Variants in ENTREP1 observed in about 807,000 individuals in gnomAD.
ENTREP1 encodes endosomal transmembrane epsin interactor 1, also known as Friedreich ataxia region gene X123.
At chr9:69,347,544 G>A in the ENTREP1 span, among the ~76,000 whole-genome samples, 1 of 152,184 alleles carries the variant, frequency 6.6e-6, no homozygotes, top group Non-Finnish European at 1.5e-5. Flanking sequence ...TAATAAGCCT[G>A]GTGGCAGAGA....
At chr9:69,343,137 A>G in the ENTREP1 span, among the ~76,000 whole-genome samples, 1 of 152,380 alleles carries the variant, frequency 6.6e-6, no homozygotes, top group East Asian at 1.9e-4. Flanking sequence ...TCTCAGATCA[A>G]ATTCTGCTAT....
the ENTREP1 span, chr9:69,387,926 G>A: frequency 4.1e-6 from 6 of 1,476,880 alleles, no homozygotes; most frequent in Middle Eastern, 1.8e-4. Context: ...TGGGGGTGGT[G>A]TCGTACATGA....
At chr9:69,371,685 A>T in the ENTREP1 span, 1 of 959,988 alleles carries the variant, frequency 1.0e-6, no homozygotes, top group South Asian at 1.3e-5. Context: ...GACTTGCAAC[A>T]TTCAGCATCA....
chr9:69,352,933 T>A, the ENTREP1 span, among the ~76,000 whole-genome samples: 1 of 152,142 alleles, frequency 6.6e-6, no homozygotes, highest in Non-Finnish European at 1.5e-5. Context: ...GCCAGGACTT[T>A]GAAACCAGCC....
chr9:69,346,816 C>A, the ENTREP1 span, among the ~76,000 whole-genome samples: 3,108 of 152,322 alleles, frequency 0.02, 40 homozygotes, highest in South Asian at 0.051. Flanking sequence ...AGTTTTGCAA[C>A]CCTTAGCTGA....
chr9:69,329,990 G>T, the ENTREP1 span, among the ~76,000 whole-genome samples: 3 of 59,578 alleles, frequency 5.0e-5, no homozygotes, highest in Admixed American at 5.0e-4. Flanking sequence ...TTCCACTGGG[G>T]TATGGGAGTT....
the ENTREP1 span, among the ~76,000 whole-genome samples, chr9:69,378,837 A>G: frequency 6.6e-6 from 1 of 152,188 alleles, no homozygotes; most frequent in East Asian, 1.9e-4. Context: ...TTGGAATTCA[A>G]AATGAGCTAG....
At chr9:69,370,450 TG>T in the ENTREP1 span, among the ~76,000 whole-genome samples, 5 of 152,176 alleles carry the variant, frequency 3.3e-5, no homozygotes, top group Non-Finnish European at 7.4e-5. Context: ...CAATAGACAC[TG>T]GGGAATCCAG....
At chr9:69,376,484 T>A in the ENTREP1 span, among the ~76,000 whole-genome samples, 3 of 152,316 alleles carry the variant, frequency 2.0e-5, no homozygotes, top group Non-Finnish European at 4.4e-5. Flanking sequence ...GGATAAAAAT[T>A]GTGCCCTGAC....
chr9:69,325,011 G>C, the ENTREP1 span: 6 of 985,280 alleles, frequency 6.1e-6, no homozygotes, highest in African/African-American at 1.7e-5. Flanking sequence ...GGACCCTGAG[G>C]CTGTGGCGCA....
chr9:69,334,167 T>C, the ENTREP1 span, among the ~76,000 whole-genome samples: 3 of 152,174 alleles, frequency 2.0e-5, no homozygotes, highest in Non-Finnish European at 1.5e-5. Flanking sequence ...GTAAAGTAGG[T>C]ACAACTCACA....
the ENTREP1 span, chr9:69,384,042 G>T: frequency 6.4e-7 from 1 of 1,561,756 alleles, no homozygotes. Flanking sequence ...GATACATTGT[G>T]ACATGATTCA....
chr9:69,365,666 CT>C, the ENTREP1 span, among the ~76,000 whole-genome samples: 1 of 152,026 alleles, frequency 6.6e-6, no homozygotes, highest in African/African-American at 2.4e-5. Flanking sequence ...TTCCTTGATC[CT>C]ATCCCCCACA....
chr9:69,347,979 C>A, the ENTREP1 span, among the ~76,000 whole-genome samples: 4 of 152,140 alleles, frequency 2.6e-5, no homozygotes, highest in Non-Finnish European at 4.4e-5. Context: ...ATGCCACATT[C>A]TAGTTTGCTT....
the ENTREP1 span, chr9:69,383,587 A>T: frequency 6.2e-7 from 1 of 1,611,878 alleles, no homozygotes; most frequent in African/African-American, 1.3e-5. Context: ...TCACGTGGCC[A>T]GTCTGTAGAA....
At chr9:69,336,311 G>T in the ENTREP1 span, 2 of 1,264,474 alleles carry the variant, frequency 1.6e-6, no homozygotes, top group Non-Finnish European at 2.3e-6. Flanking sequence ...TATAAAATGT[G>T]CTATGTATGA....
the ENTREP1 span, chr9:69,375,706 AG>A: frequency 3.2e-6 from 5 of 1,571,340 alleles, no homozygotes; most frequent in Non-Finnish European, 8.8e-7. Context: ...TAATAATTAA[AG>A]TATTTTTTTT....
At chr9:69,333,808 T>TA in the ENTREP1 span, among the ~76,000 whole-genome samples, 1 of 152,310 alleles carries the variant, frequency 6.6e-6, no homozygotes, top group Non-Finnish European at 1.5e-5. Context: ...TTTCCTCAGC[T>TA]AAGTCCAGTA....
the ENTREP1 span, among the ~76,000 whole-genome samples, chr9:69,389,860 A>C: frequency 6.6e-6 from 1 of 152,122 alleles, no homozygotes; most frequent in East Asian, 1.9e-4. Flanking sequence ...TGCCCCAGGC[A>C]GGTTAAAACT....
Sources: gnomAD v4.1 joint callset for allele counts (sites outside exome capture counted in the v4.1 genomes callset) on GRCh38, gnomAD v4.1.1 for gene constraint, MANE v1.5 for transcripts, NCBI Gene and HGNC (gene_info 2026-07-23, HGNC 2026-07-21) for gene names.